The following MEF2A variants were observed in gnomAD, a reference collection of about 807,000 sequenced individuals.
MEF2A encodes the protein myocyte enhancer factor 2A, also known as myocyte-specific enhancer factor 2A.
In MEF2A, 28 loss-of-function variants were observed where a neutral mutation model predicts 55.8. That is an observed-to-expected ratio of 0.50 (90% CI 0.37 to 0.69). MEF2A has a LOEUF of 0.69. Among genes scored for constraint, MEF2A ranks in the 30% least tolerant of loss-of-function variants. The pLI is 0.00. For synonymous variants in MEF2A, 239 were observed against 227.1 expected, an observed-to-expected ratio of 1.05 and a Z score of -0.47; for missense variants, 528 against 626.2, an observed-to-expected ratio of 0.84 and a Z score of 1.67.
At chr15:99,623,163 G>T (rs184504161) in intron 2 of MEF2A, among the ~76,000 whole-genome samples, 16 of 152,232 alleles carry the variant, frequency 1.1e-4, no homozygotes, top group African/African-American at 3.1e-4. Flanking sequence ...TAGTAGATTG[G>T]TCCTTTTGTG....
At chr15:99,639,991 C>T (rs1473176866) in intron 3 of MEF2A, among the ~76,000 whole-genome samples, 6 of 152,094 alleles carry the variant, frequency 3.9e-5, no homozygotes, top group African/African-American at 9.7e-5. Context: ...ACTTTTATGA[C>T]GGGACTTACC....
rs1021528746 is a variant in MEF2A, at chr15:99,671,630, T to C, written c.390+176T>C. On this transcript the variant is annotated intron_variant, in intron 5 of 11. Transcript: ENST00000557942. ...ATAAAAAAATTAATGAGGAATTTGA[T>C]AATATGATGCGGAATCATAAAATCG... The C allele has an allele frequency of 4.4e-6, 7 of 1,587,988 alleles. No individual in the cohort carries two copies. The Admixed American group carries it at 7.0e-5, about 16-fold the overall frequency.
chr15:99,699,548 T>TA (rs777150125), intron 8 of MEF2A, among the ~76,000 whole-genome samples: 34 of 152,134 alleles, frequency 2.2e-4, no homozygotes, highest in Non-Finnish European at 7.4e-5. Flanking sequence ...TGCAATTTAG[T>TA]AAAAAAAGAT....
chr15:99,690,110 G>T, intron 7 of MEF2A, 131 bp from the exon 8 acceptor site: 1 of 800,256 alleles, frequency 1.2e-6, no homozygotes, highest in Non-Finnish European at 2.0e-6. Flanking sequence ...TTCGGACAAG[G>T]GATACTCAAA....
intron 8 of MEF2A, among the ~76,000 whole-genome samples, chr15:99,695,073 C>A (rs1377285732): frequency 6.6e-6 from 1 of 151,798 alleles, no homozygotes; most frequent in Non-Finnish European, 1.5e-5. Flanking sequence ...TGCCCCAGTC[C>A]TAGAATCAGG....
chr15:99,578,316 A>T (rs541934707), intron 1 of MEF2A, among the ~76,000 whole-genome samples: 2 of 152,048 alleles, frequency 1.3e-5, no homozygotes, highest in East Asian at 3.9e-4. Flanking sequence ...CTAGGTTGCA[A>T]TCTGATGCTG....
chr15:99,602,629 C>G (rs540200967), intron 2 of MEF2A, among the ~76,000 whole-genome samples: 20 of 145,156 alleles, frequency 1.4e-4, no homozygotes, highest in African/African-American at 4.8e-4. Context: ...TGACCGTCAC[C>G]TGGTGGTTGC....
At position 99,671,441 on chromosome 15, in the gene MEF2A, T is replaced by A; in HGVS notation, c.377T>A (p.Phe126Tyr). The A allele has an allele frequency of 2.5e-6, 4 of 1,613,990 alleles. No individual in the cohort carries two copies. The highest frequency in any genetic ancestry group is 2.5e-6 in the Non-Finnish European group (3 of 1,179,848). The stretch of plus-strand genomic sequence containing the variant: ...CTAAATGAAGATAGTGATTTTATTT[T>A]CAAACGAGGCCCTGTAAGTACTTTT... Reference protein sequence around the residue: ...SKLNEDSDFIFKRGPPGLPPQ... With the variant: ...SKLNEDSDFIYKRGPPGLPPQ... The change falls in exon 5 of 12, where the codon TTC becomes TAC. Residue 126 changes from phenylalanine to tyrosine, a missense_variant. Phe to Tyr is a conservative substitution (Grantham distance 22). Around this residue, in one of 2 missense-constraint regions of MEF2A, gnomAD observed 450 missense variants for 475.3 expected, o/e 0.95. Coordinates refer to ENST00000557942, the MANE Select transcript of MEF2A (RefSeq NM_001319206.4).
chr15:99,570,538 T>G (rs1014039384), intron 1 of MEF2A, among the ~76,000 whole-genome samples: 1 of 152,238 alleles, frequency 6.6e-6, no homozygotes, highest in Non-Finnish European at 1.5e-5. Context: ...ATTTTTACTT[T>G]GTTACTTGCG....
intron 7 of MEF2A, among the ~76,000 whole-genome samples, chr15:99,682,351 A>C (rs1307167383): frequency 1.3e-5 from 2 of 152,238 alleles, no homozygotes; most frequent in African/African-American, 4.8e-5. Flanking sequence ...TTAGGATAGT[A>C]AATTACCTTG....
chr15:99,654,226 A>C (rs1444172837), intron 4 of MEF2A, among the ~76,000 whole-genome samples: 1 of 152,150 alleles, frequency 6.6e-6, no homozygotes, highest in Non-Finnish European at 1.5e-5. Flanking sequence ...TTAGACTCTC[A>C]AATCCTACTT....
chr15:99,689,643 G>A (rs1439484087), intron 7 of MEF2A, among the ~76,000 whole-genome samples: 1 of 152,120 alleles, frequency 6.6e-6, no homozygotes, highest in Non-Finnish European at 1.5e-5. Context: ...ACCACATCCA[G>A]CTAATTTTTG....
At chr15:99,664,898 T>A (rs1420687711) in intron 4 of MEF2A, among the ~76,000 whole-genome samples, 2 of 152,330 alleles carry the variant, frequency 1.3e-5, no homozygotes, top group African/African-American at 4.8e-5. Flanking sequence ...ATGAACATAT[T>A]AGAGATTTTA....
At chr15:99,601,699 G>A (rs1479192213) in intron 2 of MEF2A, among the ~76,000 whole-genome samples, 1 of 151,878 alleles carries the variant, frequency 6.6e-6, no homozygotes, top group Non-Finnish European at 1.5e-5. Flanking sequence ...ACTTGGTCAT[G>A]ATGTGTTATA....
chr15:99,601,514 T>TG lies in MEF2A; in HGVS notation c.-143+3003_-143+3004insG, dbSNP rs1318643512. 2.6e-5 allele frequency among the ~76,000 whole-genome samples: 4 copies of TG among 151,384 alleles called. No individual in the cohort carries two copies. The East Asian group carries it at 7.7e-4, about 29-fold the overall frequency. Reference sequence around the variant, plus strand: ...TTTCACCAGGTCTTGGTCAGAGTTTTTTTTTTTTTTTTTTTCGTTTTCACG... The same window carrying TG: ...TTTCACCAGGTCTTGGTCAGAGTTTTGTTTTTTTTTTTTTTTCGTTTTCACG... On this transcript the variant is annotated intron_variant, in intron 2 of 11. Transcript: ENST00000557942.
intron 6 of MEF2A, 43 bp downstream of exon 6, chr15:99,674,655 G>A (rs1286769832): frequency 6.6e-7 from 1 of 1,507,572 alleles, no homozygotes; most frequent in African/African-American, 1.4e-5. Flanking sequence ...AATAAAGAGG[G>A]TGAAAAAATT....
intron 2 of MEF2A, among the ~76,000 whole-genome samples, chr15:99,616,829 T>C (rs942185233): frequency 2.6e-5 from 4 of 152,132 alleles, no homozygotes; most frequent in African/African-American, 7.2e-5. Flanking sequence ...GCTGTGGCCA[T>C]GGGGCTTGTT....
intron 7 of MEF2A, among the ~76,000 whole-genome samples, chr15:99,685,763 T>G (rs562022628): frequency 6.6e-6 from 1 of 152,162 alleles, no homozygotes; most frequent in Non-Finnish European, 1.5e-5. Flanking sequence ...TGGGTATTGG[T>G]CTGTAGTTTA....
intron 7 of MEF2A, among the ~76,000 whole-genome samples, chr15:99,687,299 T>C (rs940215866): frequency 1.3e-5 from 2 of 152,060 alleles, no homozygotes; most frequent in Admixed American, 1.3e-4. Context: ...TTTAGACCAG[T>C]GTTAAGCACA....
Sources: gnomAD v4.1 joint callset for allele counts (sites outside exome capture counted in the v4.1 genomes callset) on GRCh38, gnomAD v4.1.1 for gene constraint, gnomAD v4.1.1 regional missense constraint, MANE v1.5 for transcripts, NCBI Gene and HGNC (gene_info 2026-07-23, HGNC 2026-07-21) for gene names.